The following RIPOR3 variants were observed in gnomAD, a reference collection of about 807,000 sequenced individuals.
RIPOR3 encodes the protein family with sequence similarity 65 member C.
Under a neutral mutation model 114.3 loss-of-function variants are expected in RIPOR3, and 95 were observed. The observed-to-expected ratio is 0.83, with a 90% CI of 0.70 to 0.99. RIPOR3 has a LOEUF of 0.99. Ranked by LOEUF, RIPOR3 falls within the 50% of genes least tolerant of loss-of-function variation. RIPOR3 has a pLI of 0.00. For missense variants in RIPOR3, 1,252 were observed against 1,266.9 expected (o/e 0.99, Z 0.18); for synonymous variants, 575 against 543.8 (o/e 1.06, Z -0.80).
chr20:50,662,317 A>C (rs546681571), intron 1 of RIPOR3: 2 of 152,436 alleles, frequency 1.3e-5, no homozygotes, highest in South Asian at 2.1e-4. Context: ...GAAATTGGGC[A>C]CTAAGGGCCA....
rs1341300055 is a variant in RIPOR3, at chr20:50,677,671, C to CTT, written c.3+13453_3+13454dup. 2.5e-3 allele frequency among the ~76,000 whole-genome samples: 326 copies of CTT among 130,740 alleles called. 2 individuals are homozygous for CTT. Among genetic ancestry groups the CTT allele is most frequent in the South Asian group, 0.022 (89 of 3,970 alleles). 85.8% of individuals were successfully genotyped at this position (130,740 alleles called of 152,430 possible). On this transcript the variant is annotated intron_variant, in intron 1 of 21. Coordinates refer to ENST00000327979, the MANE Select transcript of RIPOR3 (RefSeq NM_001290268.2). ...ACAGGCGTGAGCCACCGCGCCTGGC[C>CTT]TTTTTTTTTTTTTTTTGAGACAAGA...
At position 50,589,733 on chromosome 20, in the gene RIPOR3, C is replaced by T. The variant is rs761255631; in HGVS notation, c.2614G>A (p.Asp872Asn). The change falls in exon 20 of 22, where the codon GAC (aspartate) becomes AAC (asparagine). Residue 872 changes from aspartate (D) to asparagine (N), a missense_variant. Coordinates refer to ENST00000327979, the MANE Select transcript of RIPOR3 (RefSeq NM_001290268.2). Reference sequence around the variant, plus strand: ...CATGCGGCCTGCTGGAGCCTTGCGTCGTTCTCTGCCAGGGCGTTGGTGTAG... The same window carrying T: ...CATGCGGCCTGCTGGAGCCTTGCGTTGTTCTCTGCCAGGGCGTTGGTGTAG... ...LFYTNALAEN[D>N]ARLQQAACLA... 11 of 1,613,784 alleles carry T rather than the reference C, an allele frequency of 6.8e-6. No homozygotes were observed. The highest frequency in any genetic ancestry group is 1.7e-5 in the Admixed American group (1 of 60,000).
At chr20:50,657,803 G>C (rs925774906) in intron 1 of RIPOR3, among the ~76,000 whole-genome samples, 8 of 149,146 alleles carry the variant, frequency 5.4e-5, no homozygotes, top group African/African-American at 1.7e-4. Context: ...GCCCAGGCTG[G>C]AGTGCAGTGA....
chr20:50,610,815 G>GC (rs899826008), intron 6 of RIPOR3, 38 bp downstream of exon 6: 8 of 1,613,498 alleles, frequency 5.0e-6, no homozygotes, highest in Non-Finnish European at 5.9e-6. Flanking sequence ...AGCTGGCACT[G>GC]CCCCACCCCA....
chr20:50,614,387 T>C (rs2084086717), intron 4 of RIPOR3, among the ~76,000 whole-genome samples: 1 of 152,196 alleles, frequency 6.6e-6, no homozygotes, highest in Non-Finnish European at 1.5e-5. Flanking sequence ...GCTTTCCCAG[T>C]CCCTCAGTCA....
At chr20:50,683,478 A>AGTCTCACTCCATTGGCCAG (rs1419936062) in intron 1 of RIPOR3, among the ~76,000 whole-genome samples, 5 of 148,078 alleles carry the variant, frequency 3.4e-5, no homozygotes, top group Non-Finnish European at 4.5e-5. Flanking sequence ...TTTGAGACGG[A>AGTCTCACTCCATTGGCCAG]GTCTCACTCC....
chr20:50,669,861 G>GAA (rs375482622), intron 1 of RIPOR3, among the ~76,000 whole-genome samples: 1 of 135,938 alleles, frequency 7.4e-6, no homozygotes, highest in Non-Finnish European at 1.6e-5. Flanking sequence ...AGGGGGCTCT[G>GAA]AAAAAAAAAA....
chr20:50,590,964 G>T (rs1194497196), intron 19 of RIPOR3, among the ~76,000 whole-genome samples: 1 of 152,150 alleles, frequency 6.6e-6, no homozygotes, highest in Non-Finnish European at 1.5e-5. Context: ...CCTGACTTCA[G>T]TGGATCCTTG....
At chr20:50,644,948 C>T (rs1382129653) in intron 1 of RIPOR3, among the ~76,000 whole-genome samples, 3 of 151,486 alleles carry the variant, frequency 2.0e-5, no homozygotes, top group East Asian at 1.9e-4. Context: ...CAAGCAGTTC[C>T]CCGGCCTCAG....
chr20:50,665,602 A>C (rs1197004891), intron 1 of RIPOR3, among the ~76,000 whole-genome samples: 2 of 151,716 alleles, frequency 1.3e-5, no homozygotes, highest in African/African-American at 4.8e-5. Flanking sequence ...TTGTATCTTT[A>C]GTAGAGATGG....
intron 18 of RIPOR3, 118 bp from the exon 19 acceptor site, chr20:50,592,664 A>T: frequency 3.2e-6 from 3 of 945,894 alleles, no homozygotes; most frequent in South Asian, 2.3e-5. Flanking sequence ...ACCCACCGGG[A>T]TGATCACCAA....
intron 1 of RIPOR3, chr20:50,662,135 C>G (rs1411612025): frequency 6.6e-6 from 1 of 152,582 alleles, no homozygotes; most frequent in Non-Finnish European, 1.5e-5. Flanking sequence ...ACTTCCAGAC[C>G]CACGGGAGGC....
chr20:50,660,679 C>T (rs2085961432), intron 1 of RIPOR3, among the ~76,000 whole-genome samples: 1 of 152,062 alleles, frequency 6.6e-6, no homozygotes, highest in Non-Finnish European at 1.5e-5. Flanking sequence ...AGCACTACCC[C>T]CGAACTTTCC....
At position 50,608,509 on chromosome 20, in the gene RIPOR3, G is replaced by T; in HGVS notation, c.836C>A (p.Ser279Ter). Residue 279 changes from serine to a stop codon, truncating the protein, a stop_gained, in exon 11 of 22, where the codon TCG becomes TAG. Transcript: ENST00000327979. LOFTEE classifies it high-confidence loss of function. ...ACACGTCACTGCACCCACAGCCAGCGAGCCCAGGCCCCGCAACTCCGTCAC... is the reference window on the plus strand; with the variant it reads ...ACACGTCACTGCACCCACAGCCAGCTAGCCCAGGCCCCGCAACTCCGTCAC... ...IKVTELRGLG[S>*]LAVGAVTCDI... The T allele has an allele frequency of 6.2e-7, 1 of 1,613,862 alleles. No individual in the cohort carries two copies. Among genetic ancestry groups the T allele is most frequent in the South Asian group, 1.1e-5 (1 of 91,076 alleles).
At chr20:50,689,125 G>A (rs2087123177) in intron 1 of RIPOR3, among the ~76,000 whole-genome samples, 1 of 151,062 alleles carries the variant, frequency 6.6e-6, no homozygotes, top group African/African-American at 2.4e-5. Context: ...GTACCATCCT[G>A]GACTTCTCTA....
At chr20:50,590,837 CAG>C (rs140002211) in intron 19 of RIPOR3, among the ~76,000 whole-genome samples, 133 of 138,946 alleles carry the variant, frequency 9.6e-4, no homozygotes, top group African/African-American at 3.5e-3. Flanking sequence ...TTTTTTGAGA[CAG>C]AGTCTCACTT....
intron 17 of RIPOR3, 104 bp downstream of exon 17, chr20:50,594,449 T>C (rs1173119487): frequency 7.5e-7 from 1 of 1,337,312 alleles, no homozygotes. Context: ...GACACAGAGG[T>C]GAAGACAGGG....
At position 50,602,362 on chromosome 20, in the gene RIPOR3, G is replaced by T; in HGVS notation, c.1369C>A (p.Pro457Thr). 2 of 1,613,670 alleles carry T rather than the reference G, an allele frequency of 1.2e-6. No homozygotes were observed. The highest frequency in any genetic ancestry group is 1.7e-6 in the Non-Finnish European group (2 of 1,179,972). ...REDPLPPGLL[P>T]EMAHLSGGPF... The stretch of plus-strand genomic sequence containing the variant: ...CCTCCAGAGAGGTGGGCCATCTCTG[G>T]CAGGAGACCTGGGGGCAGGGGGTCC... Residue 457 changes from proline (P) to threonine (T), a missense_variant, in exon 13 of 22, where the codon CCA (proline) becomes ACA (threonine). Physicochemically the swap from Pro to Thr is conservative, Grantham distance 38 (BLOSUM62 -1). Coordinates refer to ENST00000327979, the MANE Select transcript of RIPOR3 (RefSeq NM_001290268.2). The surrounding 1 kb of genome is among the most constrained non-coding windows in gnomAD (Gnocchi z 4.3).
intron 2 of RIPOR3, among the ~76,000 whole-genome samples, chr20:50,626,201 G>A (rs573104374): frequency 1.3e-5 from 2 of 152,396 alleles, no homozygotes; most frequent in South Asian, 4.1e-4. Flanking sequence ...GAGACAGGAA[G>A]TTAAAAATAG....
Sources: allele counts gnomAD v4.1 joint callset (sites outside exome capture counted in the v4.1 genomes callset), GRCh38; gene constraint gnomAD v4.1.1; non-coding constraint Gnocchi (gnomAD v3.1); transcripts MANE v1.5; gene names NCBI Gene and HGNC (gene_info 2026-07-23, HGNC 2026-07-21).